TUBGCP3: variants seen among roughly 807,000 people sequenced by gnomAD.
TUBGCP3 encodes the protein tubulin gamma complex component 3, also known as gamma-tubulin complex component 3.
Under a neutral mutation model 123.1 loss-of-function variants are expected in TUBGCP3, and 50 were observed. The observed-to-expected ratio is 0.41, with a 90% CI of 0.32 to 0.51. The LOEUF (loss-of-function observed/expected upper bound fraction) is 0.51, where lower values mean the gene tolerates loss of function less well. TUBGCP3 is among the 20% of genes least tolerant of loss of function. The pLI is 0.36. For synonymous variants in TUBGCP3, 405 were observed against 413.9 expected, an observed-to-expected ratio of 0.98 and a Z score of 0.26; for missense variants, 882 against 1,127.0, an observed-to-expected ratio of 0.78 and a Z score of 3.11.
At chr13:112,506,300 G>T (rs531672255) in intron 17 of TUBGCP3, among the ~76,000 whole-genome samples, 1 of 152,176 alleles carries the variant, frequency 6.6e-6, no homozygotes, top group African/African-American at 2.4e-5. Context: ...CCAGCGACTC[G>T]CAAGGGAGCA....
intron 3 of TUBGCP3, among the ~76,000 whole-genome samples, chr13:112,562,795 T>C (rs1439924812): frequency 1.3e-5 from 2 of 152,104 alleles, no homozygotes; most frequent in Non-Finnish European, 2.9e-5. Context: ...ACAAACTGAA[T>C]TGTACGTGAA....
chr13:112,559,368 T>C lies in TUBGCP3; in HGVS notation c.284A>G (p.Tyr95Cys). 1.9e-6 allele frequency: 3 copies of C among 1,610,112 alleles called. No homozygotes were observed. The highest frequency in any genetic ancestry group is 1.7e-5 in the Admixed American group (1 of 59,442). ...GTCCTCACTGAGGCTCAGCAAGAGG[T>C]AGAGTATTGACCATTTATTTTTCAA... ...GVLKNKWSIL[Y>C]LLLSLSEDPR... The change falls in exon 4 of 22, where the codon TAC (tyrosine) becomes TGC (cysteine). Residue 95 changes from tyrosine to cysteine, a missense_variant. Physicochemically the swap from Tyr to Cys is radical, Grantham distance 194 (BLOSUM62 -2). Around this residue, in one of 3 missense-constraint regions of TUBGCP3, gnomAD observed 713 missense variants for 874.0 expected, o/e 0.82. Transcript: ENST00000261965.
upstream of TUBGCP3, among the ~76,000 whole-genome samples, chr13:112,590,390 G>T (rs543584275): frequency 6.6e-6 from 1 of 152,084 alleles, no homozygotes; most frequent in Admixed American, 6.5e-5. Context: ...TTGCTCACGG[G>T]TATACAGTCA....
chr13:112,558,534 A>C, intron 4 of TUBGCP3, 121 bp from the exon 5 acceptor site: 1 of 805,426 alleles, frequency 1.2e-6, no homozygotes, highest in Non-Finnish European at 1.8e-6. Context: ...TGGGTTCCAT[A>C]CTTTATTAAA....
At chr13:112,499,608 G>C (rs1308919004) in intron 19 of TUBGCP3, among the ~76,000 whole-genome samples, 3 of 151,536 alleles carry the variant, frequency 2.0e-5, no homozygotes, top group Non-Finnish European at 4.4e-5. Context: ...TTTAGATATA[G>C]CAAAAGCAGG....
rs1566545659 is a variant in TUBGCP3, at chr13:112,516,581, A to G, written c.1951-6T>C. On this transcript the variant is annotated splice_polypyrimidine_tract_variant and splice_region_variant and intron_variant, in intron 16 of 21. Coordinates refer to ENST00000261965, the MANE Select transcript of TUBGCP3 (RefSeq NM_006322.6). ...ATACATTCTCGAGTAAACACCTGGGATAACAGCAGAAGACAAGTTGATAGT... is the reference window on the plus strand; with the variant it reads ...ATACATTCTCGAGTAAACACCTGGGGTAACAGCAGAAGACAAGTTGATAGT... The G allele has an allele frequency of 1.9e-6, 3 of 1,612,212 alleles. No individual in the cohort carries two copies. The African/African-American group carries it at 4.0e-5, about 21-fold the overall frequency.
At chr13:112,495,960 A>C (rs1198248832) in intron 20 of TUBGCP3, among the ~76,000 whole-genome samples, 1 of 152,170 alleles carries the variant, frequency 6.6e-6, no homozygotes, top group Non-Finnish European at 1.5e-5. Context: ...TTATTAGAAT[A>C]AAAGAAGAAA....
chr13:112,504,370 C>T (rs1439464279), intron 18 of TUBGCP3, among the ~76,000 whole-genome samples: 2 of 151,728 alleles, frequency 1.3e-5, no homozygotes, highest in Middle Eastern at 6.3e-3. Context: ...CCCCTGTAAT[C>T]CCAGCTACTC....
chr13:112,569,696 A>G (rs1286585763), intron 1 of TUBGCP3, among the ~76,000 whole-genome samples: 1 of 152,200 alleles, frequency 6.6e-6, no homozygotes, highest in East Asian at 1.9e-4. Context: ...CTAGATGAAG[A>G]TGACAGCTTA....
At chr13:112,509,744 G>A (rs895365875) in intron 17 of TUBGCP3, among the ~76,000 whole-genome samples, 43 of 152,160 alleles carry the variant, frequency 2.8e-4, no homozygotes, top group African/African-American at 1.0e-3. Flanking sequence ...ACAGAAGTCT[G>A]AAATCCCTAC....
chr13:112,516,385 G>C (rs1876128675), intron 17 of TUBGCP3, 55 bp downstream of exon 17: 1 of 1,469,792 alleles, frequency 6.8e-7, no homozygotes, highest in African/African-American at 1.4e-5. Flanking sequence ...GCACCCAGTG[G>C]GGGCTGGAGG....
intron 1 of TUBGCP3, 122 bp downstream of exon 1, chr13:112,587,783 C>T: frequency 1.1e-6 from 1 of 879,610 alleles, no homozygotes; most frequent in South Asian, 1.9e-5. Flanking sequence ...TCGGCCCGTC[C>T]CCCAGCCCTC....
At chr13:112,565,672 C>T (rs557543784) in intron 2 of TUBGCP3, among the ~76,000 whole-genome samples, 3 of 152,324 alleles carry the variant, frequency 2.0e-5, no homozygotes, top group South Asian at 2.1e-4. Context: ...CGGTGGCTCA[C>T]GCCTGTAATC....
chr13:112,604,212 C>G, the TUBGCP3 span: 1 of 152,108 alleles, frequency 6.6e-6, no homozygotes, highest in Non-Finnish European at 1.5e-5. Flanking sequence ...TTTTTGTTTT[C>G]AATTCATGCA....
chr13:112,527,837 C>T (rs1201374923), intron 11 of TUBGCP3, among the ~76,000 whole-genome samples: 5 of 152,370 alleles, frequency 3.3e-5, no homozygotes, highest in Non-Finnish European at 4.4e-5. Context: ...CAGGCAGCAG[C>T]TGTGTGTCTC....
the TUBGCP3 span, chr13:112,602,834 T>C: frequency 6.6e-6 from 1 of 152,152 alleles, no homozygotes; most frequent in Non-Finnish European, 1.5e-5. Context: ...TCATGTGTTT[T>C]ACACATTAAC....
chr13:112,599,628 TCCTG>T, the TUBGCP3 span, among the ~76,000 whole-genome samples: 1 of 152,160 alleles, frequency 6.6e-6, no homozygotes, highest in Non-Finnish European at 1.5e-5. Context: ...TACCTCAGCC[TCCTG>T]AGTACCTGGG....
At chr13:112,504,531 T>A in intron 18 of TUBGCP3, 95 bp downstream of exon 18, 3 of 844,152 alleles carry the variant, frequency 3.6e-6, no homozygotes, top group African/African-American at 2.0e-5. Flanking sequence ...CACATATATA[T>A]ACACACATAC....
intron 6 of TUBGCP3, 48 bp from the exon 7 acceptor site, chr13:112,555,053 C>G (rs760218315): frequency 8.3e-7 from 1 of 1,208,114 alleles, no homozygotes; most frequent in Admixed American, 2.1e-5. Context: ...AATATTTTAA[C>G]AGACAATAGA....
Sources: allele counts gnomAD v4.1 joint callset (sites outside exome capture counted in the v4.1 genomes callset), GRCh38; gene constraint gnomAD v4.1.1; regional missense constraint gnomAD v4.1.1; transcripts MANE v1.5; gene names NCBI Gene and HGNC (gene_info 2026-07-23, HGNC 2026-07-21).